NBAS: variants seen among roughly 807,000 people sequenced by gnomAD.
NBAS encodes NBAS subunit of NRZ tethering complex, also known as NAG/BC035112 fusion.
Under a neutral mutation model 302.5 loss-of-function variants are expected in NBAS, and 219 were observed. The ratio of observed to expected loss-of-function variants is 0.72; its 90% CI spans 0.65 to 0.81. The LOEUF (loss-of-function observed/expected upper bound fraction) is 0.81. Among genes scored for constraint, NBAS ranks in the 30% least tolerant of loss-of-function variants. The pLI is 0.00. For missense variants in NBAS, 2,932 were observed against 2,841.6 expected (o/e 1.03, Z -0.72); for synonymous variants, 1,118 against 1,021.6 (o/e 1.09, Z -1.80).
the NBAS span, among the ~76,000 whole-genome samples, chr2:15,067,823 A>G: frequency 2.6e-5 from 4 of 152,206 alleles, no homozygotes; most frequent in Admixed American, 6.5e-5. Flanking sequence ...CCTCATGTCA[A>G]GTGTTCTTAC....
chr2:15,124,005 G>A, the NBAS span, among the ~76,000 whole-genome samples: 18 of 152,288 alleles, frequency 1.2e-4, no homozygotes, highest in East Asian at 2.5e-3. Flanking sequence ...GAACTTCTTC[G>A]AGATCAGTTA....
At chr2:14,960,108 T>C in the NBAS span, among the ~76,000 whole-genome samples, 10,168 of 152,270 alleles carry the variant, frequency 0.067, 1,047 homozygotes, top group African/African-American at 0.22. Context: ...TCATCTGCCA[T>C]ATGGAACATT....
At chr2:15,417,035 C>T (rs1301935790) in intron 24 of NBAS, among the ~76,000 whole-genome samples, 2 of 151,984 alleles carry the variant, frequency 1.3e-5, no homozygotes, top group African/African-American at 2.4e-5. Context: ...ACTCAGTGGC[C>T]GGAGTACAAA....
the NBAS span, among the ~76,000 whole-genome samples, chr2:15,063,330 T>A: frequency 2.0e-5 from 3 of 151,996 alleles, no homozygotes; most frequent in East Asian, 5.8e-4. Context: ...CATTGGCTCA[T>A]CCCAGGAGCC....
chr2:15,060,305 G>A, the NBAS span, among the ~76,000 whole-genome samples: 4 of 152,100 alleles, frequency 2.6e-5, no homozygotes, highest in Non-Finnish European at 5.9e-5. Flanking sequence ...CCCCACCTGC[G>A]TCCCCATGCA....
chr2:14,946,916 C>T, the NBAS span, among the ~76,000 whole-genome samples: 1 of 152,106 alleles, frequency 6.6e-6, no homozygotes, highest in Non-Finnish European at 1.5e-5. Flanking sequence ...ATGTTCCAGA[C>T]CTACCAATGA....
intron 16 of NBAS, 92 bp downstream of exon 16, chr2:15,473,130 A>T (rs1477286366): frequency 8.6e-6 from 12 of 1,402,110 alleles, no homozygotes; most frequent in Non-Finnish European, 1.2e-5. Context: ...TAGAAAAGTC[A>T]GCAATGTAAA....
At chr2:15,287,618 G>A (rs545587016) in intron 41 of NBAS, among the ~76,000 whole-genome samples, 75 of 152,010 alleles carry the variant, frequency 4.9e-4, no homozygotes, top group African/African-American at 1.7e-3. Flanking sequence ...TAGGCATCCC[G>A]AGCACCCATG....
intron 44 of NBAS, among the ~76,000 whole-genome samples, chr2:15,256,375 C>T (rs1449426245): frequency 6.6e-6 from 1 of 151,938 alleles, no homozygotes; most frequent in Non-Finnish European, 1.5e-5. Context: ...ATTGTTGTTG[C>T]ATAGCAGTGC....
chr2:14,848,527 C>T, the NBAS span, among the ~76,000 whole-genome samples: 2 of 143,934 alleles, frequency 1.4e-5, no homozygotes. Context: ...CCCAGCCTTG[C>T]TTAGGTAAAC....
At chr2:15,538,305 C>T (rs561005676) in intron 7 of NBAS, 2 of 456,050 alleles carry the variant, frequency 4.4e-6, no homozygotes, top group South Asian at 3.4e-5. Flanking sequence ...AGAATCCAGA[C>T]TCCTTATTTT....
the NBAS span, among the ~76,000 whole-genome samples, chr2:14,810,437 CTT>C: frequency 6.6e-6 from 1 of 152,220 alleles, no homozygotes; most frequent in South Asian, 2.1e-4. Flanking sequence ...CAAGCTCTCT[CTT>C]TGCCTGCTGC....
chr2:15,035,808 G>A, the NBAS span, among the ~76,000 whole-genome samples: 1 of 152,148 alleles, frequency 6.6e-6, no homozygotes, highest in African/African-American at 2.4e-5. Context: ...ATGGACACAA[G>A]GAGGGGAACA....
At chr2:15,494,808 T>C (rs546092995) in intron 11 of NBAS, among the ~76,000 whole-genome samples, 2 of 152,284 alleles carry the variant, frequency 1.3e-5, no homozygotes, top group African/African-American at 2.4e-5. Flanking sequence ...CATAGGCATA[T>C]GTTCTTTGAA....
At chr2:15,434,114 G>A (rs1482628125) in intron 21 of NBAS, among the ~76,000 whole-genome samples, 1 of 151,900 alleles carries the variant, frequency 6.6e-6, no homozygotes, top group East Asian at 1.9e-4. Context: ...GACAGAGAGA[G>A]ACTGTCTCAA....
chr2:15,144,126 G>A, the NBAS span, among the ~76,000 whole-genome samples: 5 of 145,576 alleles, frequency 3.4e-5, no homozygotes, highest in African/African-American at 1.3e-4. Flanking sequence ...TCACATTGTT[G>A]TGACTCCACA....
chr2:15,123,524 G>A, the NBAS span, among the ~76,000 whole-genome samples: 2 of 152,174 alleles, frequency 1.3e-5, no homozygotes, highest in African/African-American at 2.4e-5. Context: ...GGGCCCTACG[G>A]GGAGGTGTTT....
At chr2:15,376,992 T>G (rs769259595) in intron 30 of NBAS, among the ~76,000 whole-genome samples, 1 of 151,996 alleles carries the variant, frequency 6.6e-6, no homozygotes, top group Admixed American at 6.6e-5. Context: ...CTAAAAAATA[T>G]GAAAACCTGT....
chr2:15,351,890 A>G, intron 35 of NBAS, 102 bp downstream of exon 35: 1 of 822,374 alleles, frequency 1.2e-6, no homozygotes, highest in Non-Finnish European at 2.1e-6. Context: ...ACACACACAC[A>G]CACACACACA....
Sources: allele counts gnomAD v4.1 joint callset (sites outside exome capture counted in the v4.1 genomes callset), GRCh38; gene constraint gnomAD v4.1.1; transcripts MANE v1.5; gene names NCBI Gene and HGNC (gene_info 2026-07-23, HGNC 2026-07-21).